Variants in KHDRBS2 observed in about 807,000 individuals in gnomAD.
The protein encoded by KHDRBS2 is KH domain-containing, RNA-binding, signal transduction-associated protein 2.
In KHDRBS2, 26 loss-of-function variants were observed where a neutral mutation model predicts 44.3. That is an observed-to-expected ratio of 0.59 (90% CI 0.43 to 0.81). The LOEUF (loss-of-function observed/expected upper bound fraction) is 0.81. Among genes scored for constraint, KHDRBS2 ranks in the 40% least tolerant of loss-of-function variants. The probability of loss-of-function intolerance (pLI) is 0.00; values close to 1 mark genes in which losing one functional copy is unlikely to be tolerated. For missense variants in KHDRBS2, 476 were observed against 433.1 expected, an observed-to-expected ratio of 1.10 and a Z score of -0.88; for synonymous variants, 194 against 151.1, an observed-to-expected ratio of 1.28 and a Z score of -2.08.
intron 5 of KHDRBS2, among the ~76,000 whole-genome samples, chr6:61,899,660 A>T (rs1176409560): frequency 1.3e-5 from 2 of 150,638 alleles, no homozygotes; most frequent in African/African-American, 2.4e-5. Context: ...ACTAACGGAT[A>T]TCCATAACAA....
At chr6:61,838,282 T>C (rs1401667272) in intron 6 of KHDRBS2, among the ~76,000 whole-genome samples, 3 of 152,014 alleles carry the variant, frequency 2.0e-5, no homozygotes, top group South Asian at 2.1e-4. Context: ...TTTTGAGATG[T>C]TCAAATTAAA....
chr6:61,982,592 A>G (rs1583950231), intron 3 of KHDRBS2, among the ~76,000 whole-genome samples: 1 of 151,178 alleles, frequency 6.6e-6, no homozygotes, highest in African/African-American at 2.4e-5. Flanking sequence ...AATGGCATGA[A>G]CCCGGAAGGT....
At chr6:62,111,841 C>G (rs1204661421) in intron 2 of KHDRBS2, among the ~76,000 whole-genome samples, 1 of 151,966 alleles carries the variant, frequency 6.6e-6, no homozygotes, top group Admixed American at 6.6e-5. Flanking sequence ...GTGATCATAC[C>G]ATTGAACTCC....
intron 6 of KHDRBS2, among the ~76,000 whole-genome samples, chr6:61,825,072 A>G (rs1790621312): frequency 6.6e-6 from 1 of 152,110 alleles, no homozygotes; most frequent in Non-Finnish European, 1.5e-5. Context: ...GTTAATCTTC[A>G]TTTTAATATT....
At chr6:62,269,119 T>C (rs150413181) in intron 1 of KHDRBS2, among the ~76,000 whole-genome samples, 1 of 152,160 alleles carries the variant, frequency 6.6e-6, no homozygotes, top group Non-Finnish European at 1.5e-5. Context: ...GACATAAACC[T>C]ATACTTAAAA....
At position 61,884,408 on chromosome 6, in the gene KHDRBS2, T is replaced by A. The variant is rs1318916269; in HGVS notation, c.810+10227A>T. Among the ~76,000 whole-genome samples the A allele has an allele frequency of 3.9e-5, 6 of 152,230 alleles. No homozygotes were observed. The East Asian group carries it at 1.2e-3, about 29-fold the overall frequency. ...CTTTGTTGTGTCCCGATACACCTCCTTGATGTCTGGGTGTTAACCCTTAGA... is the reference window on the plus strand; with the variant it reads ...CTTTGTTGTGTCCCGATACACCTCCATGATGTCTGGGTGTTAACCCTTAGA... On this transcript the variant is annotated intron_variant, in intron 6 of 8. Transcript: ENST00000281156.
chr6:61,891,010 TA>T (rs1485359824), intron 6 of KHDRBS2, among the ~76,000 whole-genome samples: 2 of 152,212 alleles, frequency 1.3e-5, no homozygotes, highest in Admixed American at 6.5e-5. Context: ...GGATTAGCTA[TA>T]AACTATGTTT....
intron 1 of KHDRBS2, among the ~76,000 whole-genome samples, chr6:62,197,567 T>G (rs759551690): frequency 1.3e-5 from 2 of 152,098 alleles, no homozygotes; most frequent in Non-Finnish European, 2.9e-5. Context: ...TGAGCTTTCC[T>G]GAACCCAGTT....
intron 6 of KHDRBS2, among the ~76,000 whole-genome samples, chr6:61,809,803 C>T (rs1787812204): frequency 6.6e-6 from 1 of 152,082 alleles, no homozygotes; most frequent in South Asian, 2.1e-4. Flanking sequence ...AGTTTTTATA[C>T]TGTAGCAAGG....
chr6:61,577,722 CAGAGTA>C, the KHDRBS2 span, among the ~76,000 whole-genome samples: 2 of 152,014 alleles, frequency 1.3e-5, no homozygotes, highest in African/African-American at 4.8e-5. Context: ...GAATTAGGAA[CAGAGTA>C]TAGAAATAGT....
intron 1 of KHDRBS2, among the ~76,000 whole-genome samples, chr6:62,245,221 G>A (rs1835346753): frequency 6.6e-6 from 1 of 151,998 alleles, no homozygotes; most frequent in African/African-American, 2.4e-5. Context: ...TATTCTCCCT[G>A]TTACTTTTCA....
chr6:62,236,539 C>G (rs553367645), intron 1 of KHDRBS2, among the ~76,000 whole-genome samples: 1 of 152,034 alleles, frequency 6.6e-6, no homozygotes, highest in Admixed American at 6.5e-5. Flanking sequence ...ACTTCACCAA[C>G]AAGTATTTAA....
intron 2 of KHDRBS2, among the ~76,000 whole-genome samples, chr6:62,091,218 A>G (rs187151494): frequency 6.6e-6 from 1 of 152,330 alleles, no homozygotes; most frequent in Admixed American, 6.5e-5. Context: ...TCTTAGGGCT[A>G]GAAAGAAGCC....
intron 1 of KHDRBS2, among the ~76,000 whole-genome samples, chr6:62,194,700 T>C (rs1825318068): frequency 6.6e-6 from 1 of 151,460 alleles, no homozygotes; most frequent in South Asian, 2.1e-4. Context: ...AGAGACAGGG[T>C]TTCACCATGT....
intron 6 of KHDRBS2, chr6:61,813,995 G>A (rs752582064): frequency 1.8e-4 from 82 of 455,794 alleles, no homozygotes; most frequent in South Asian, 7.6e-4. Flanking sequence ...AAAAAGCTTC[G>A]TCCTGGGTTA....
intron 1 of KHDRBS2, among the ~76,000 whole-genome samples, chr6:62,260,759 A>G (rs1838208859): frequency 6.6e-6 from 1 of 151,928 alleles, no homozygotes; most frequent in South Asian, 2.1e-4. Context: ...AAGTTTAACC[A>G]AAGCTGATTG....
chr6:62,264,445 GAA>G (rs1838859733), intron 1 of KHDRBS2, among the ~76,000 whole-genome samples: 1 of 151,636 alleles, frequency 6.6e-6, no homozygotes, highest in Admixed American at 6.6e-5. Flanking sequence ...AATTTAAACA[GAA>G]AGCCAGTTTG....
intron 1 of KHDRBS2, among the ~76,000 whole-genome samples, chr6:62,273,217 T>A (rs1840365242): frequency 6.6e-6 from 1 of 152,130 alleles, no homozygotes; most frequent in African/African-American, 2.4e-5. Flanking sequence ...TATTATCAAT[T>A]TCATACAGTT....
chr6:62,202,798 G>A (rs1827256444), intron 1 of KHDRBS2, among the ~76,000 whole-genome samples: 1 of 152,124 alleles, frequency 6.6e-6, no homozygotes, highest in South Asian at 2.1e-4. Flanking sequence ...GATTTCAAAG[G>A]AGGCAATCTC....
Sources: gnomAD v4.1 joint callset for allele counts (sites outside exome capture counted in the v4.1 genomes callset) on GRCh38, gnomAD v4.1.1 for gene constraint, MANE v1.5 for transcripts, NCBI Gene and HGNC (gene_info 2026-07-23, HGNC 2026-07-21) for gene names.